The following TMEM117 variants were observed in gnomAD, a reference collection of about 807,000 sequenced individuals.
TMEM117 encodes the protein transmembrane protein 117.
TMEM117 carries 27 observed loss-of-function variants against 52.4 expected under a neutral mutation model. The observed-to-expected ratio is 0.51, with a 90% CI of 0.38 to 0.71. The LOEUF is 0.71. Ranked by LOEUF, TMEM117 falls within the 30% of genes least tolerant of loss-of-function variation. The probability of loss-of-function intolerance (pLI) is 0.00; values close to 1 mark genes in which losing one functional copy is unlikely to be tolerated. For missense variants in TMEM117, 556 were observed against 630.5 expected (o/e 0.88, Z 1.26); for synonymous variants, 215 against 206.3 (o/e 1.04, Z -0.36).
intron 4 of TMEM117, among the ~76,000 whole-genome samples, chr12:44,195,205 T>C (rs75656875): frequency 0.045 from 6,869 of 152,226 alleles, 534 homozygotes; most frequent in African/African-American, 0.16. Context: ...TCCCAGCTCA[T>C]TCAGCTTGTT....
At position 43,892,991 on chromosome 12, in the gene TMEM117, G is replaced by A. The variant is rs1269645579; in HGVS notation, c.277+48063G>A. The stretch of plus-strand genomic sequence containing the variant: ...AGGAATAGCAAGTGAAAAGCCCAGA[G>A]GTGAAATGAGCTGGATATGATGTTC... On this transcript the variant is annotated intron_variant, in intron 2 of 7. Transcript: ENST00000266534. 2.0e-5 allele frequency among the ~76,000 whole-genome samples: 3 copies of A among 152,298 alleles called. No homozygotes were observed. The East Asian group carries it at 5.8e-4, about 29-fold the overall frequency.
chr12:44,024,805 T>C (rs985225811), intron 3 of TMEM117, among the ~76,000 whole-genome samples: 18 of 152,174 alleles, frequency 1.2e-4, no homozygotes, highest in African/African-American at 4.3e-4. Context: ...TTTGAATGTA[T>C]ATATACACAC....
At chr12:44,029,283 G>A (rs745755202) in intron 3 of TMEM117, among the ~76,000 whole-genome samples, 3 of 152,074 alleles carry the variant, frequency 2.0e-5, no homozygotes, top group East Asian at 1.9e-4. Flanking sequence ...AGTCCTTCTC[G>A]GCTAAGAATA....
At chr12:43,914,635 A>T (rs958125678) in intron 2 of TMEM117, among the ~76,000 whole-genome samples, 7 of 152,176 alleles carry the variant, frequency 4.6e-5, no homozygotes, top group African/African-American at 1.7e-4. Context: ...ATACGTCTGC[A>T]TATAAAAGAA....
chr12:43,830,134 C>CAATTGCCCCTCTCTGTCAAGGT, the TMEM117 span, among the ~76,000 whole-genome samples: 1 of 149,164 alleles, frequency 6.7e-6, no homozygotes, highest in South Asian at 2.1e-4. Flanking sequence ...GGCAGCAGCA[C>CAATTGCCCCTCTCTGTCAAGGT]AATTGCCCCT....
chr12:43,888,791 G>A (rs139156879), intron 2 of TMEM117, among the ~76,000 whole-genome samples: 31 of 152,020 alleles, frequency 2.0e-4, no homozygotes, highest in African/African-American at 2.4e-4. Flanking sequence ...CTCGTGATCC[G>A]CCCACCTCGG....
chr12:44,201,021 C>T (rs1190638714), intron 4 of TMEM117, among the ~76,000 whole-genome samples: 1 of 152,070 alleles, frequency 6.6e-6, no homozygotes, highest in East Asian at 1.9e-4. Context: ...TGGAAGAGTC[C>T]TCCACCAGAA....
chr12:44,346,798 A>G (rs1425301414), intron 6 of TMEM117, among the ~76,000 whole-genome samples: 1 of 152,062 alleles, frequency 6.6e-6, no homozygotes, highest in Non-Finnish European at 1.5e-5. Context: ...AGCACAAGGG[A>G]AAAGATGCCA....
chr12:44,079,770 C>G (rs1334383162), intron 3 of TMEM117, among the ~76,000 whole-genome samples: 1 of 151,782 alleles, frequency 6.6e-6, no homozygotes, highest in Non-Finnish European at 1.5e-5. Flanking sequence ...ATATCCAGCA[C>G]TTTGGGAGGC....
intron 3 of TMEM117, among the ~76,000 whole-genome samples, chr12:44,044,883 G>C (rs1946856353): frequency 6.6e-6 from 1 of 152,230 alleles, no homozygotes; most frequent in African/African-American, 2.4e-5. Context: ...TGATTCATGG[G>C]CTGTAGCCAA....
chr12:44,124,598 A>C (rs757246742), intron 3 of TMEM117, among the ~76,000 whole-genome samples: 6 of 152,116 alleles, frequency 3.9e-5, no homozygotes, highest in Non-Finnish European at 8.8e-5. Context: ...GTTTATTGAG[A>C]GTTTTTAACG....
Position 44,131,444 on chromosome 12 carries a change from A to G in TMEM117, c.411-12081A>G, listed in dbSNP as rs551688078. On this transcript the variant is annotated intron_variant, in intron 3 of 7. Transcript: ENST00000266534. The stretch of plus-strand genomic sequence containing the variant: ...TCTAAGTGTTCTCTGTTGCATTAAA[A>G]GAATGTGCATTCTGTAGTTGTGGGG... 3.9e-5 allele frequency among the ~76,000 whole-genome samples: 6 copies of G among 152,274 alleles called. No individual in the cohort carries two copies. In the South Asian group the frequency reaches 1.0e-3, roughly 26 times the overall value.
intron 2 of TMEM117, among the ~76,000 whole-genome samples, chr12:43,935,274 A>G (rs1287202538): frequency 6.6e-6 from 1 of 152,198 alleles, no homozygotes; most frequent in East Asian, 1.9e-4. Flanking sequence ...ATGTTTTTAT[A>G]AACTATAAAT....
At chr12:44,367,586 A>G (rs1255506776) in intron 6 of TMEM117, among the ~76,000 whole-genome samples, 1 of 151,970 alleles carries the variant, frequency 6.6e-6, no homozygotes, top group African/African-American at 2.4e-5. Flanking sequence ...CTCCCTTTCT[A>G]AATGATTTTA....
At chr12:43,805,161 A>C in the TMEM117 span, among the ~76,000 whole-genome samples, 1 of 152,238 alleles carries the variant, frequency 6.6e-6, no homozygotes, top group Non-Finnish European at 1.5e-5. Context: ...GTTCCTATTA[A>C]AGCTTCAATT....
chr12:43,816,836 G>A, the TMEM117 span, among the ~76,000 whole-genome samples: 1 of 152,176 alleles, frequency 6.6e-6, no homozygotes, highest in Non-Finnish European at 1.5e-5. Context: ...TATGATGCCA[G>A]CATTAATTTA....
intron 6 of TMEM117, among the ~76,000 whole-genome samples, chr12:44,349,883 G>A (rs1242934808): frequency 6.6e-6 from 1 of 152,014 alleles, no homozygotes. Flanking sequence ...CAATCTAGCA[G>A]AAGAGAAAGA....
At chr12:44,397,662 C>G in the TMEM117 span, among the ~76,000 whole-genome samples, 2 of 152,172 alleles carry the variant, frequency 1.3e-5, no homozygotes, top group Non-Finnish European at 2.9e-5. Context: ...ATACATAGTT[C>G]TTGTAATCAA....
At chr12:44,162,644 C>A (rs1196536859) in intron 4 of TMEM117, among the ~76,000 whole-genome samples, 1 of 152,116 alleles carries the variant, frequency 6.6e-6, no homozygotes, top group Non-Finnish European at 1.5e-5. Flanking sequence ...AGCATTAAGA[C>A]TGAATGAATG....
Sources: allele counts gnomAD v4.1 joint callset (sites outside exome capture counted in the v4.1 genomes callset), GRCh38; gene constraint gnomAD v4.1.1; transcripts MANE v1.5; gene names NCBI Gene and HGNC (gene_info 2026-07-23, HGNC 2026-07-21).